ADGRD1: variants seen among roughly 807,000 people sequenced by gnomAD.
The protein encoded by ADGRD1 is adhesion G protein-coupled receptor D1.
A neutral mutation model predicts 113.4 loss-of-function variants in ADGRD1; 77 were observed. The observed-to-expected ratio is 0.68, with a 90% CI of 0.57 to 0.82. The LOEUF is 0.82. Ranked by LOEUF, ADGRD1 falls within the 40% of genes least tolerant of loss-of-function variation. ADGRD1 has a pLI of 0.00. For synonymous variants in ADGRD1, 474 were observed against 475.0 expected (o/e 1.00, Z 0.03); for missense variants, 1,036 against 1,139.1 (o/e 0.91, Z 1.30).
At chr12:131,073,848 C>CAAG (rs1405355382) in intron 13 of ADGRD1, among the ~76,000 whole-genome samples, 2 of 152,170 alleles carry the variant, frequency 1.3e-5, no homozygotes, top group African/African-American at 4.8e-5. Flanking sequence ...TTCACTCCTG[C>CAAG]AAGAACTAAC....
At chr12:131,069,020 A>G (rs1193511655) in intron 13 of ADGRD1, among the ~76,000 whole-genome samples, 1 of 152,214 alleles carries the variant, frequency 6.6e-6, no homozygotes, top group African/African-American at 2.4e-5. Context: ...TACTCCTGAA[A>G]GATGCCATTA....
chr12:130,962,311 G>A (rs1593259171), intron 2 of ADGRD1: 1 of 152,202 alleles, frequency 6.6e-6, no homozygotes, highest in Non-Finnish European at 1.5e-5. Context: ...CTGGCTTTGG[G>A]GTGAACGAGA....
In ADGRD1 at chr12:130,954,561, C is replaced by T. The variant is rs1391008608; in HGVS notation, c.66+30C>T. On this transcript the variant is annotated intron_variant, in intron 1 of 24. Transcript: ENST00000261654. The surrounding 1 kb of genome is among the most constrained non-coding windows in gnomAD (Gnocchi z 4.7). Reference sequence around the variant, plus strand: ...TGTCCCCAAGTGGCCAGGATGGCGACAGGCTTGGTTTCTCCGGAGGCTTTC... The same window carrying T: ...TGTCCCCAAGTGGCCAGGATGGCGATAGGCTTGGTTTCTCCGGAGGCTTTC... 2.5e-6 allele frequency: 4 copies of T among 1,613,548 alleles called. No individual in the cohort carries two copies. The highest frequency in any genetic ancestry group is 4.5e-5 in the East Asian group (2 of 44,856).
At chr12:131,129,309 G>A (rs548044769) in intron 20 of ADGRD1, among the ~76,000 whole-genome samples, 1 of 140,436 alleles carries the variant, frequency 7.1e-6, no homozygotes. Context: ...GCCCCGCCCT[G>A]CTGTCTGGGT....
At chr12:131,133,969 T>G (rs2136104715) in intron 21 of ADGRD1, among the ~76,000 whole-genome samples, 1 of 152,280 alleles carries the variant, frequency 6.6e-6, no homozygotes, top group South Asian at 2.1e-4. Context: ...GGCTTTCACT[T>G]CCCTGCCACC....
intron 13 of ADGRD1, among the ~76,000 whole-genome samples, chr12:131,054,631 G>A (rs1883692028): frequency 6.6e-6 from 1 of 152,132 alleles, no homozygotes; most frequent in South Asian, 2.1e-4. Context: ...TCCCTGTTCT[G>A]GGCGCTTCCT....
rs781180047 is a variant in ADGRD1 at position 131,084,081 on chromosome 12, C to G, written c.1548-459C>G. Reference sequence around the variant, plus strand: ...ATGCGAGGTCTTTTATCATATTTCTCTCTCCCACACTGCACTCACCCGTTT... The same window carrying G: ...ATGCGAGGTCTTTTATCATATTTCTGTCTCCCACACTGCACTCACCCGTTT... On this transcript the variant is annotated intron_variant, in intron 14 of 24. Transcript: ENST00000261654. This position sits in a 1 kb window ranked among gnomAD's most constrained non-coding sequence, Gnocchi z 4.5. 6.6e-6 allele frequency among the ~76,000 whole-genome samples: 1 copy of G among 152,232 alleles called. No homozygotes were observed. Among genetic ancestry groups the G allele is most frequent in the African/African-American group, 2.4e-5 (1 of 41,454 alleles).
chr12:131,103,531 A>G (rs1425779581), intron 15 of ADGRD1, among the ~76,000 whole-genome samples: 1 of 152,078 alleles, frequency 6.6e-6, no homozygotes, highest in African/African-American at 2.4e-5. Flanking sequence ...CGGGCTTCCC[A>G]TGGCCCCCTG....
chr12:130,985,759 C>G (rs1873580430), intron 5 of ADGRD1, among the ~76,000 whole-genome samples: 1 of 152,158 alleles, frequency 6.6e-6, no homozygotes, highest in African/African-American at 2.4e-5. Context: ...GCCATGTTGG[C>G]TAGGCTGGTC....
chr12:131,000,785 A>AT (rs1022075923), intron 9 of ADGRD1, among the ~76,000 whole-genome samples: 2 of 151,728 alleles, frequency 1.3e-5, no homozygotes, highest in African/African-American at 4.8e-5. Flanking sequence ...AGAAAAGAAC[A>AT]TTTTGATCTT....
chr12:131,139,310 C>G lies in ADGRD1; in HGVS notation c.*47C>G, dbSNP rs761659790. ...CCAGGCTGCGCTCAGAACACACCCCCCCAAACAGAATGAAATGCCCCACCT... is the reference window on the plus strand; with the variant it reads ...CCAGGCTGCGCTCAGAACACACCCCGCCAAACAGAATGAAATGCCCCACCT... On this transcript the variant is annotated 3_prime_UTR_variant, in exon 25 of 25. Transcript: ENST00000261654. The G allele has an allele frequency of 9.9e-6, 13 of 1,311,880 alleles. No individual in the cohort carries two copies. The highest frequency in any genetic ancestry group is 1.4e-5 in the Non-Finnish European group (13 of 922,940). The allele number at this position is 1,311,880 out of a possible 1,614,324, so 81.3% of individuals were successfully genotyped here. A position where few individuals can be genotyped will look rare whatever the true frequency, so the allele number is the denominator to read the frequency against.
intron 15 of ADGRD1, among the ~76,000 whole-genome samples, chr12:131,088,217 C>T (rs1205179223): frequency 6.6e-6 from 1 of 152,156 alleles, no homozygotes; most frequent in African/African-American, 2.4e-5. Flanking sequence ...GAGAGGGGGG[C>T]GCTTGCTGGT....
intron 20 of ADGRD1, among the ~76,000 whole-genome samples, chr12:131,124,697 G>C (rs61936960): frequency 2.5e-4 from 26 of 103,710 alleles, no homozygotes; most frequent in Middle Eastern, 5.0e-3. Context: ...GTTCTCGGCT[G>C]TAACACACAC....
chr12:131,058,466 T>C (rs1884059868), intron 13 of ADGRD1, among the ~76,000 whole-genome samples: 1 of 152,248 alleles, frequency 6.6e-6, no homozygotes. Flanking sequence ...TATTTTCCAC[T>C]GATCTTTCTT....
chr12:131,076,196 A>G (rs1195191486), intron 13 of ADGRD1, among the ~76,000 whole-genome samples: 1 of 152,230 alleles, frequency 6.6e-6, no homozygotes, highest in Non-Finnish European at 1.5e-5. Context: ...TGTATGCCAG[A>G]TGCCCTCTAG....
chr12:130,998,950 A>T (rs1242647677), intron 8 of ADGRD1, among the ~76,000 whole-genome samples: 1 of 152,274 alleles, frequency 6.6e-6, no homozygotes, highest in Non-Finnish European at 1.5e-5. Context: ...TTGTGCAAAG[A>T]AAAGGGAAAT....
intron 18 of ADGRD1, among the ~76,000 whole-genome samples, chr12:131,111,972 C>T (rs1219201295): frequency 6.6e-6 from 1 of 152,102 alleles, no homozygotes; most frequent in Non-Finnish European, 1.5e-5. Context: ...GGATTTTTCC[C>T]CATGTGTGTG....
intron 13 of ADGRD1, among the ~76,000 whole-genome samples, chr12:131,068,203 A>C (rs985417254): frequency 3.9e-4 from 59 of 152,100 alleles, no homozygotes; most frequent in African/African-American, 1.2e-3. Flanking sequence ...TCTGGGGCCG[A>C]GTGGGGCTGA....
At position 131,118,369 on chromosome 12, in the gene ADGRD1, C is replaced by A. The variant is rs1950515880; in HGVS notation, c.2042-16C>A. ...AACTGGAGCAAGTGAACATGATATT[C>A]TCCAATCTTCTGCAGGTTTTCCTCT... On this transcript the variant is annotated splice_polypyrimidine_tract_variant and intron_variant, in intron 18 of 24. Coordinates refer to ENST00000261654, the MANE Select transcript of ADGRD1 (RefSeq NM_198827.5). 6.3e-7 allele frequency: 1 copy of A among 1,596,632 alleles called. No homozygotes were observed. The highest frequency in any genetic ancestry group is 8.5e-7 in the Non-Finnish European group (1 of 1,170,894).
Sources: gnomAD v4.1 joint callset for allele counts (sites outside exome capture counted in the v4.1 genomes callset) on GRCh38, gnomAD v4.1.1 for gene constraint, Gnocchi (gnomAD v3.1) non-coding constraint, MANE v1.5 for transcripts, NCBI Gene and HGNC (gene_info 2026-07-23, HGNC 2026-07-21) for gene names.